The following BNC2 variants were observed in gnomAD, a reference collection of about 807,000 sequenced individuals.
BNC2 encodes the protein zinc finger protein basonuclin-2.
A neutral mutation model predicts 76.3 loss-of-function variants in BNC2; 20 were observed. That is an observed-to-expected ratio of 0.26 (90% confidence interval 0.18 to 0.38). The LOEUF is 0.38. Among genes scored for constraint, BNC2 ranks in the 10% least tolerant of loss-of-function variants. The pLI is 1.00. For missense variants in BNC2, 1,382 were observed against 1,399.8 expected, an observed-to-expected ratio of 0.99 and a Z score of 0.20; for synonymous variants, 582 against 514.8, an observed-to-expected ratio of 1.13 and a Z score of -1.77.
At chr9:16,482,489 C>A (rs1161392450) in intron 5 of BNC2, among the ~76,000 whole-genome samples, 2 of 151,572 alleles carry the variant, frequency 1.3e-5, no homozygotes, top group Admixed American at 6.6e-5. Flanking sequence ...TATTGAACAA[C>A]AAAAGAAGGA....
At chr9:16,719,603 G>A (rs1824088260) in intron 3 of BNC2, among the ~76,000 whole-genome samples, 1 of 152,144 alleles carries the variant, frequency 6.6e-6, no homozygotes, top group African/African-American at 2.4e-5. Flanking sequence ...AGCACAGCAG[G>A]TAACAATATT....
intron 1 of BNC2, among the ~76,000 whole-genome samples, chr9:16,861,230 T>A (rs1472667499): frequency 1.4e-5 from 2 of 144,504 alleles, no homozygotes; most frequent in East Asian, 4.1e-4. Context: ...GGCTTGCACT[T>A]GTAGTCCCAA....
intron 3 of BNC2, among the ~76,000 whole-genome samples, chr9:16,634,667 A>T (rs920253937): frequency 6.6e-6 from 1 of 151,890 alleles, no homozygotes; most frequent in African/African-American, 2.4e-5. Flanking sequence ...ACACCTGGCT[A>T]ATTTTTTGTA....
intron 3 of BNC2, among the ~76,000 whole-genome samples, chr9:16,713,447 T>C (rs1316444535): frequency 2.7e-3 from 12 of 4,392 alleles, no homozygotes; most frequent in Non-Finnish European, 7.4e-3. Flanking sequence ...AAAAGGCACT[T>C]TTTTTTTTTT....
chr9:16,831,662 A>C (rs948303075), intron 1 of BNC2, among the ~76,000 whole-genome samples: 1 of 152,206 alleles, frequency 6.6e-6, no homozygotes. Flanking sequence ...TTCAAGTTCC[A>C]AGAGTTATAA....
chr9:16,608,725 A>G (rs893673743), intron 3 of BNC2, among the ~76,000 whole-genome samples: 1 of 152,150 alleles, frequency 6.6e-6, no homozygotes, highest in Non-Finnish European at 1.5e-5. Flanking sequence ...TAATTACTTA[A>G]TAGATAAGTT....
intron 1 of BNC2, among the ~76,000 whole-genome samples, chr9:16,762,594 C>G (rs1825583691): frequency 6.6e-6 from 1 of 152,088 alleles, no homozygotes; most frequent in South Asian, 2.1e-4. Flanking sequence ...TACAGCTACC[C>G]CATTTGTCTC....
intron 3 of BNC2, among the ~76,000 whole-genome samples, chr9:16,616,524 C>A (rs2133508874): frequency 6.6e-6 from 1 of 151,576 alleles, no homozygotes; most frequent in Non-Finnish European, 1.5e-5. Flanking sequence ...TTGCAAGACC[C>A]TGTCTCTACA....
chr9:16,502,473 C>A (rs1158091563), intron 5 of BNC2, among the ~76,000 whole-genome samples: 2 of 152,090 alleles, frequency 1.3e-5, no homozygotes, highest in Admixed American at 1.3e-4. Context: ...TACTAACATT[C>A]CATAGAATAA....
chr9:16,539,768 AGAAAGGAAAG>A (rs762781150), intron 5 of BNC2, among the ~76,000 whole-genome samples: 4,411 of 58,646 alleles, frequency 0.075, 190 homozygotes, highest in African/African-American at 0.08. Context: ...GGAAAGGAAA[AGAAAGGAAAG>A]GAAAGGAAAG....
chr9:16,596,983 C>G (rs567199440), intron 3 of BNC2, among the ~76,000 whole-genome samples: 29 of 152,218 alleles, frequency 1.9e-4, no homozygotes, highest in Admixed American at 7.2e-4. Context: ...TCTATCACCT[C>G]TCTCTCAAAA....
chr9:16,434,059 C>A (rs1474331973), intron 6 of BNC2, among the ~76,000 whole-genome samples: 1 of 151,918 alleles, frequency 6.6e-6, no homozygotes, highest in South Asian at 2.1e-4. Context: ...ACTGAAATAA[C>A]GTTGTGACTA....
intron 1 of BNC2, among the ~76,000 whole-genome samples, chr9:16,836,794 C>CA (rs1818718051): frequency 6.6e-6 from 1 of 151,076 alleles, no homozygotes; most frequent in Non-Finnish European, 1.5e-5. Flanking sequence ...GAACCAACCT[C>CA]AAAAAAATAA....
rs538820230 is a variant in BNC2 at position 16,452,119 on chromosome 9, G to C, written c.670-14595C>G. ...AGGCAGCATCATTACTAGTACGCTA[G>C]GGGTGAAGAACAAGTTAAGAATGAC... is the stretch of plus-strand genomic sequence containing the variant. On this transcript the variant is annotated intron_variant, in intron 5 of 6. Coordinates refer to ENST00000380672, the MANE Select transcript of BNC2 (RefSeq NM_017637.6). Among the ~76,000 whole-genome samples, 6 of 152,266 alleles carry C rather than the reference G, an allele frequency of 3.9e-5. No individual in the cohort carries two copies. In the East Asian group the frequency reaches 1.2e-3, roughly 29 times the overall value.
At chr9:16,786,831 C>G (rs1035947256) in intron 1 of BNC2, among the ~76,000 whole-genome samples, 2 of 152,094 alleles carry the variant, frequency 1.3e-5, no homozygotes, top group Admixed American at 6.5e-5. Context: ...CACAATAACT[C>G]CCACCCTGCA....
chr9:16,765,457 GTTA>G (rs940399287), intron 1 of BNC2, among the ~76,000 whole-genome samples: 2 of 152,110 alleles, frequency 1.3e-5, no homozygotes, highest in African/African-American at 4.8e-5. Context: ...TATTAAATCT[GTTA>G]TTATTAACAT....
chr9:16,782,385 T>C (rs1826178249), intron 1 of BNC2, among the ~76,000 whole-genome samples: 1 of 152,150 alleles, frequency 6.6e-6, no homozygotes, highest in Non-Finnish European at 1.5e-5. Flanking sequence ...AATAAGTTTG[T>C]AGTCATTTTT....
At chr9:16,464,006 A>C (rs1821647784) in intron 5 of BNC2, among the ~76,000 whole-genome samples, 1 of 146,820 alleles carries the variant, frequency 6.8e-6, no homozygotes, top group African/African-American at 2.5e-5. Flanking sequence ...AAACAAGAGA[A>C]TTGCTTGAAC....
chr9:16,414,565 A>G lies in BNC2; in HGVS notation c.*4424T>C, dbSNP rs1379647815. ...GAAAAGGGTGTGACCACAGGATGAA[A>G]AAAAGTTTCTTCTGGATGATTTGTT... is the stretch of plus-strand genomic sequence containing the variant. On this transcript the variant is annotated 3_prime_UTR_variant, in exon 7 of 7. Transcript: ENST00000380672. 6.6e-6 allele frequency: 1 copy of G among 152,258 alleles called. No homozygotes were observed. The highest frequency in any genetic ancestry group is 1.9e-4 in the East Asian group (1 of 5,196). 9.4% of individuals were successfully genotyped at this position (152,258 alleles called of 1,614,324 possible).
Sources: allele counts gnomAD v4.1 joint callset (sites outside exome capture counted in the v4.1 genomes callset), GRCh38; gene constraint gnomAD v4.1.1; transcripts MANE v1.5; gene names NCBI Gene and HGNC (gene_info 2026-07-23, HGNC 2026-07-21).